NWD1: variants seen among roughly 807,000 people sequenced by gnomAD.
NWD1 encodes the protein NACHT domain- and WD repeat-containing protein 1.
A neutral mutation model predicts 135.1 loss-of-function variants in NWD1; 129 were observed. That is an observed-to-expected ratio of 0.96 (90% CI 0.83 to 1.11). The LOEUF (loss-of-function observed/expected upper bound fraction) is 1.11, where lower values mean the gene tolerates loss of function less well. Among genes scored for constraint, NWD1 ranks in the 50% least tolerant of loss-of-function variants. NWD1 has a pLI of 0.00. For synonymous variants in NWD1, 773 were observed against 786.0 expected (o/e 0.98, Z 0.28); for missense variants, 1,740 against 1,851.3 (o/e 0.94, Z 1.10).
intron 18 of NWD1, among the ~76,000 whole-genome samples, chr19:16,811,606 A>G (rs1037342776): frequency 2.0e-5 from 3 of 151,684 alleles, no homozygotes; most frequent in Non-Finnish European, 4.4e-5. Flanking sequence ...AAAAAGAAAG[A>G]AAGAAAGAAA....
chr19:16,751,960 GGAA>G lies in NWD1; in HGVS notation c.1769+1562_1769+1564del, dbSNP rs556577640. Among the ~76,000 whole-genome samples the G allele has an allele frequency of 3.1e-4, 47 of 149,644 alleles. 2 individuals are homozygous for G. In the South Asian group the frequency reaches 8.1e-3, roughly 26 times the overall value. Reference sequence around the variant, plus strand: ...GAAAGGAAGGAAAGAAAAGAAGAAGGGAAGAAGAAGAAGAAAAAGTGAAAGGAA... The same window carrying G: ...GAAAGGAAGGAAAGAAAAGAAGAAGGGAAGAAGAAGAAAAAGTGAAAGGAA... On this transcript the variant is annotated intron_variant, in intron 6 of 18. Transcript: ENST00000524140.
chr19:16,779,138 G>A (rs1424808979), intron 11 of NWD1, among the ~76,000 whole-genome samples: 3 of 152,136 alleles, frequency 2.0e-5, no homozygotes, highest in African/African-American at 7.2e-5. Flanking sequence ...ACCTAAGAGC[G>A]AAGTGAATGT....
intron 4 of NWD1, among the ~76,000 whole-genome samples, chr19:16,741,294 C>G (rs1804258735): frequency 6.6e-6 from 1 of 152,086 alleles, no homozygotes; most frequent in South Asian, 2.1e-4. Flanking sequence ...ATGCTGCTCC[C>G]CCTGCCTGCA....
intron 6 of NWD1, among the ~76,000 whole-genome samples, chr19:16,756,860 C>T (rs1968819402): frequency 6.6e-6 from 1 of 152,122 alleles, no homozygotes; most frequent in Admixed American, 6.6e-5. Flanking sequence ...ACCCGAGCTC[C>T]CCCTCTTGTC....
chr19:16,812,290 G>C (rs1044777400), intron 18 of NWD1, among the ~76,000 whole-genome samples: 1 of 150,182 alleles, frequency 6.7e-6, no homozygotes, highest in Non-Finnish European at 1.5e-5. Context: ...GCCTGGGTCA[G>C]ACCTGTTAAA....
chr19:16,776,754 C>A (rs1969613894), intron 11 of NWD1, among the ~76,000 whole-genome samples: 1 of 142,150 alleles, frequency 7.0e-6, no homozygotes, highest in East Asian at 2.1e-4. Context: ...CATAAGGAGA[C>A]CTTGCCTCTA....
chr19:16,767,161 G>A (rs1282259577), intron 10 of NWD1, among the ~76,000 whole-genome samples: 2 of 144,712 alleles, frequency 1.4e-5, no homozygotes, highest in East Asian at 4.1e-4. Flanking sequence ...AGGGAAAGAG[G>A]TGCGTCTTTT....
At chr19:16,783,874 G>C (rs1052427808) in intron 12 of NWD1, among the ~76,000 whole-genome samples, 22 of 151,984 alleles carry the variant, frequency 1.4e-4, no homozygotes, top group African/African-American at 4.8e-4. Flanking sequence ...TACATAGCAC[G>C]TATGCCATAT....
intron 3 of NWD1, among the ~76,000 whole-genome samples, chr19:16,736,240 T>TTCCTTCCTTCCTTC (rs1555717158): frequency 5.8e-5 from 1 of 17,110 alleles, no homozygotes; most frequent in Admixed American, 4.4e-4. Flanking sequence ...TTCCTCTCTC[T>TTCCTTCCTTCCTTC]CTTTCTTTTG....
rs553710670 is a variant in NWD1 at position 16,730,981 on chromosome 19, C to T, written c.-6-211C>T. ...GCCGCAGGCCAGGCGCAGTGGCTCA[C>T]GCCTGTAATCCCAACACTTTGGGAG... On this transcript the variant is annotated intron_variant, in intron 2 of 18. Transcript: ENST00000524140. Among the ~76,000 whole-genome samples, 177 of 146,362 alleles carry T rather than the reference C, an allele frequency of 1.2e-3. 4 individuals are homozygous for T. The South Asian group carries it at 0.034, about 28-fold the overall frequency.
intron 13 of NWD1, among the ~76,000 whole-genome samples, chr19:16,790,642 TAAATAAATA>T (rs1970212172): frequency 1.4e-5 from 1 of 70,610 alleles, no homozygotes; most frequent in African/African-American, 3.2e-5. Context: ...TAAAAAAAAA[TAAATAAATA>T]AATAAATAAA....
chr19:16,809,881 C>A (rs1970871200), intron 18 of NWD1, among the ~76,000 whole-genome samples: 1 of 152,010 alleles, frequency 6.6e-6, no homozygotes, highest in Non-Finnish European at 1.5e-5. Flanking sequence ...CTTTATCCAA[C>A]TGATACTTAT....
intron 6 of NWD1, among the ~76,000 whole-genome samples, chr19:16,752,140 C>G (rs1568353421): frequency 6.6e-6 from 1 of 152,104 alleles, no homozygotes; most frequent in Non-Finnish European, 1.5e-5. Flanking sequence ...TTTACTGCAA[C>G]TGGCCAACAG....
intron 10 of NWD1, among the ~76,000 whole-genome samples, chr19:16,765,571 G>T (rs1250421097): frequency 6.6e-6 from 1 of 151,988 alleles, no homozygotes; most frequent in Non-Finnish European, 1.5e-5. Flanking sequence ...TGGGCTCAAG[G>T]GATCTTCTTG....
chr19:16,791,372 C>CT lies in NWD1; in HGVS notation c.2964dup (p.Ala989CysfsTer13). The CT allele has an allele frequency of 6.2e-7, 1 of 1,613,998 alleles. No individual in the cohort carries two copies. The highest frequency in any genetic ancestry group is 8.5e-7 in the Non-Finnish European group (1 of 1,179,994). ...TAGATCAATGCTTGGAATCTGGAAA[C>CT]TGCAGAGCCGGTATTCCATATCCTG... On this transcript the variant is annotated frameshift_variant, in exon 14 of 19. Coordinates refer to ENST00000524140, the MANE Select transcript of NWD1 (RefSeq NM_001007525.5). LOFTEE classifies it high-confidence loss of function.
In NWD1 at chr19:16,815,320, G is replaced by C. The variant is rs772146277; in HGVS notation, c.*281G>C. 3.9e-6 allele frequency: 3 copies of C among 765,354 alleles called. No homozygotes were observed. The highest frequency in any genetic ancestry group is 4.8e-6 in the Non-Finnish European group (2 of 413,204). 47.4% of individuals were successfully genotyped at this position (765,354 alleles called of 1,614,324 possible). ...CAAACAAATGCTCACAAGTGTGCCT[G>C]ATAGTGTAAAAAAATAAAAATAAAA... is the stretch of plus-strand genomic sequence containing the variant. On this transcript the variant is annotated 3_prime_UTR_variant, in exon 19 of 19. Transcript: ENST00000524140.
rs182043070 is a variant in NWD1 at position 16,782,526 on chromosome 19, A to G, written c.2731+3061A>G. 9.1e-4 allele frequency among the ~76,000 whole-genome samples: 139 copies of G among 152,178 alleles called. 1 individual carries two copies. Among genetic ancestry groups the G allele is most frequent in the African/African-American group, 3.3e-3 (135 of 41,522 alleles). ...GGAGAAGGTCTAAAGAGCTGAATCA[A>G]ATTTCTATTAGAGATGACATATTCA... is the stretch of plus-strand genomic sequence containing the variant. On this transcript the variant is annotated intron_variant, in intron 12 of 18. Coordinates refer to ENST00000524140, the MANE Select transcript of NWD1 (RefSeq NM_001007525.5).
intron 18 of NWD1, among the ~76,000 whole-genome samples, 183 bp from the exon 19 acceptor site, chr19:16,814,845 G>T (rs1046733403): frequency 6.6e-6 from 1 of 152,118 alleles, no homozygotes; most frequent in Non-Finnish European, 1.5e-5. Context: ...GCAGGTGTAG[G>T]TTCTGTTATC....
rs531341804 is a variant in NWD1, at chr19:16,799,966, C to T, written c.3540C>T (p.Gly1180=). Residue 1180 remains glycine (G), a synonymous_variant, in exon 17 of 19, where the codon GGC becomes GGT. Transcript: ENST00000524140. ...VGAPVSLLAR[G]GALVASASPQ... ...CCCCCGTGAGCCTGCTGGCCCGCGG[C>T]GGGGCTTTGGTGGCATCTGCTTCCC... 103 of 1,614,132 alleles carry T rather than the reference C, an allele frequency of 6.4e-5. No homozygotes were observed. In the South Asian group the frequency reaches 9.1e-4, roughly 14 times the overall value.
Sources: gnomAD v4.1 joint callset for allele counts (sites outside exome capture counted in the v4.1 genomes callset) on GRCh38, gnomAD v4.1.1 for gene constraint, MANE v1.5 for transcripts, NCBI Gene and HGNC (gene_info 2026-07-23, HGNC 2026-07-21) for gene names.